The following ROBO1 variants were observed in gnomAD, a reference collection of about 807,000 sequenced individuals.
The protein encoded by ROBO1 is roundabout guidance receptor 1, also known as roundabout homolog 1.
A neutral mutation model predicts 195.9 loss-of-function variants in ROBO1; 149 were observed. That is an observed-to-expected ratio of 0.76 (90% CI 0.67 to 0.87). The LOEUF (loss-of-function observed/expected upper bound fraction) is 0.87. ROBO1 is among the 40% of genes least tolerant of loss of function. ROBO1 has a pLI of 0.00. For missense variants in ROBO1, 1,933 were observed against 2,068.3 expected (o/e 0.93, Z 1.27); for synonymous variants, 816 against 733.2 (o/e 1.11, Z -1.82).
chr3:79,351,263 T>G (rs1195613608), intron 2 of ROBO1, among the ~76,000 whole-genome samples: 1 of 152,194 alleles, frequency 6.6e-6, no homozygotes, highest in African/African-American at 2.4e-5. Context: ...TCACAGATAA[T>G]CATGAGCAAA....
rs182581795 is a variant in ROBO1, at chr3:79,676,085, G to A, written c.-50-86124C>T. Among the ~76,000 whole-genome samples, 65 of 151,892 alleles carry A rather than the reference G, an allele frequency of 4.3e-4. 1 individual carries two copies. Among genetic ancestry groups the A allele is most frequent in the South Asian group, 1.0e-3 (5 of 4,810 alleles). On this transcript the variant is annotated intron_variant, in intron 1 of 30. Coordinates refer to ENST00000464233, the MANE Select transcript of ROBO1 (RefSeq NM_002941.4). Reference sequence around the variant, plus strand: ...TTGATGGTGGTGGTGGTGGTTTTACGGAGCCTTAGCCACGAACCTTGTGAC... The same window carrying A: ...TTGATGGTGGTGGTGGTGGTTTTACAGAGCCTTAGCCACGAACCTTGTGAC...
At chr3:79,151,127 A>G (rs984425172) in intron 2 of ROBO1, among the ~76,000 whole-genome samples, 3 of 151,860 alleles carry the variant, frequency 2.0e-5, no homozygotes, top group Non-Finnish European at 4.4e-5. Context: ...CATGTAAGAC[A>G]TGATTTTGCT....
chr3:78,717,694 C>CTTTCTTTCCCCCTTTGTGT, intron 6 of ROBO1, 69 bp downstream of exon 6: 1 of 1,543,952 alleles, frequency 6.5e-7, no homozygotes, highest in Non-Finnish European at 8.8e-7. Flanking sequence ...TTCTTTCCCC[C>CTTTCTTTCCCCCTTTGTGT]TTGTATACAG....
At chr3:78,936,777 G>A (rs1225841490) in intron 4 of ROBO1, among the ~76,000 whole-genome samples, 3 of 152,036 alleles carry the variant, frequency 2.0e-5, no homozygotes, top group African/African-American at 7.2e-5. Flanking sequence ...CATGAATCCT[G>A]AGGGAGGACT....
intron 2 of ROBO1, among the ~76,000 whole-genome samples, chr3:79,329,862 A>G (rs1012826083): frequency 2.6e-5 from 4 of 152,094 alleles, no homozygotes; most frequent in African/African-American, 9.7e-5. Context: ...ATTCTATTTT[A>G]CCTATTAGAG....
intron 1 of ROBO1, among the ~76,000 whole-genome samples, chr3:79,659,187 T>G (rs1486421765): frequency 1.3e-5 from 2 of 152,110 alleles, no homozygotes; most frequent in Non-Finnish European, 2.9e-5. Context: ...AGCATGCTTA[T>G]ATTTCAAAAG....
intron 3 of ROBO1, among the ~76,000 whole-genome samples, chr3:79,082,026 C>A (rs945828128): frequency 1.3e-4 from 20 of 152,076 alleles, no homozygotes; most frequent in Admixed American, 1.3e-4. Flanking sequence ...TTTCTATTAT[C>A]ATTCACTATT....
intron 4 of ROBO1, among the ~76,000 whole-genome samples, chr3:78,829,483 C>A (rs927460509): frequency 1.4e-4 from 21 of 152,108 alleles, no homozygotes; most frequent in African/African-American, 4.8e-4. Flanking sequence ...TGGTCTTGTA[C>A]CTTTTTTGCT....
chr3:79,139,790 G>A (rs2080486174), intron 2 of ROBO1, among the ~76,000 whole-genome samples: 1 of 152,014 alleles, frequency 6.6e-6, no homozygotes, highest in Admixed American at 6.6e-5. Flanking sequence ...CTTTGCCCTG[G>A]TATTCAAAGG....
chr3:78,884,746 G>GGAAA (rs372004207), intron 4 of ROBO1, among the ~76,000 whole-genome samples: 13 of 147,686 alleles, frequency 8.8e-5, no homozygotes, highest in East Asian at 4.0e-4. Context: ...AGGAAAGAAA[G>GGAAA]GAAAGAAAGA....
At chr3:78,781,761 T>A (rs1023905416) in intron 4 of ROBO1, among the ~76,000 whole-genome samples, 6 of 152,176 alleles carry the variant, frequency 3.9e-5, no homozygotes, top group Non-Finnish European at 8.8e-5. Flanking sequence ...TGTAAGATAA[T>A]AATAGAAAAT....
chr3:78,666,376 TC>T (rs1317936979), intron 14 of ROBO1, among the ~76,000 whole-genome samples: 13 of 152,348 alleles, frequency 8.5e-5, no homozygotes, highest in African/African-American at 2.9e-4. Flanking sequence ...AACTTACTGC[TC>T]ACTTACAAAT....
At chr3:79,657,770 C>G (rs778660419) in intron 1 of ROBO1, among the ~76,000 whole-genome samples, 2 of 152,036 alleles carry the variant, frequency 1.3e-5, no homozygotes, top group Non-Finnish European at 2.9e-5. Context: ...GGGATCATAT[C>G]TAGATTTTGA....
At chr3:79,738,907 A>G (rs1703504687) in intron 1 of ROBO1, among the ~76,000 whole-genome samples, 1 of 152,178 alleles carries the variant, frequency 6.6e-6, no homozygotes, top group Non-Finnish European at 1.5e-5. Flanking sequence ...TGTGATACAT[A>G]TTATAGAATG....
At chr3:79,653,207 AT>A (rs1236391307) in intron 1 of ROBO1, among the ~76,000 whole-genome samples, 1 of 151,882 alleles carries the variant, frequency 6.6e-6, no homozygotes, top group Non-Finnish European at 1.5e-5. Context: ...TCGATGTTTA[AT>A]TATATTTCAT....
chr3:79,430,655 T>G (rs1262858637), intron 2 of ROBO1, among the ~76,000 whole-genome samples: 1 of 152,162 alleles, frequency 6.6e-6, no homozygotes, highest in African/African-American at 2.4e-5. Flanking sequence ...AGTTTTTTCC[T>G]TTCTTGGCCT....
intron 4 of ROBO1, among the ~76,000 whole-genome samples, chr3:78,819,389 A>G (rs1376105919): frequency 1.3e-5 from 2 of 150,320 alleles, no homozygotes; most frequent in Non-Finnish European, 3.0e-5. Flanking sequence ...GTAGGGCTTT[A>G]TCTGACACTA....
intron 30 of ROBO1, 187 bp downstream of exon 30, chr3:78,599,926 A>T: frequency 1.6e-6 from 1 of 639,308 alleles, no homozygotes; most frequent in East Asian, 2.8e-5. Flanking sequence ...ATTAACATTT[A>T]AAACTTTGGG....
intron 2 of ROBO1, among the ~76,000 whole-genome samples, chr3:79,320,804 A>G (rs1416011632): frequency 6.6e-6 from 1 of 152,232 alleles, no homozygotes; most frequent in Admixed American, 6.5e-5. Flanking sequence ...AACAAATTTT[A>G]AATGAATCAG....
Sources: gnomAD v4.1 joint callset for allele counts (sites outside exome capture counted in the v4.1 genomes callset) on GRCh38, gnomAD v4.1.1 for gene constraint, MANE v1.5 for transcripts, NCBI Gene and HGNC (gene_info 2026-07-23, HGNC 2026-07-21) for gene names.